DNAH12: variants seen among roughly 807,000 people sequenced by gnomAD.
DNAH12 encodes the protein axonemal beta dynein heavy chain 12.
DNAH12 carries 285 observed loss-of-function variants against 371.5 expected under a neutral mutation model. That is an observed-to-expected ratio of 0.77 (90% CI 0.70 to 0.85). DNAH12 has a LOEUF of 0.85. Among genes scored for constraint, DNAH12 ranks in the 40% least tolerant of loss-of-function variants. DNAH12 has a pLI of 0.00. For missense variants in DNAH12, 3,611 were observed against 3,689.4 expected, an observed-to-expected ratio of 0.98 and a Z score of 0.55; for synonymous variants, 1,200 against 1,213.0, an observed-to-expected ratio of 0.99 and a Z score of 0.22.
intron 65 of DNAH12, among the ~76,000 whole-genome samples, chr3:57,319,138 G>A (rs963055455): frequency 2.0e-5 from 3 of 152,148 alleles, no homozygotes; most frequent in South Asian, 2.1e-4. Flanking sequence ...TATTATAAAT[G>A]GGATTGTTTT....
intron 55 of DNAH12, among the ~76,000 whole-genome samples, chr3:57,369,315 TTA>T (rs1248965397): frequency 2.1e-5 from 3 of 143,288 alleles, no homozygotes; most frequent in Non-Finnish European, 3.0e-5. Flanking sequence ...ATATTATAAA[TTA>T]TATATATTTA....
chr3:57,388,307 TGA>T (rs2063536563), intron 45 of DNAH12, among the ~76,000 whole-genome samples: 1 of 152,246 alleles, frequency 6.6e-6, no homozygotes, highest in East Asian at 1.9e-4. Flanking sequence ...TCTTTTATAC[TGA>T]GTTTTCTTCT....
chr3:57,303,111 G>A (rs988623484), intron 69 of DNAH12, among the ~76,000 whole-genome samples: 9 of 151,342 alleles, frequency 5.9e-5, no homozygotes, highest in African/African-American at 1.2e-4. Context: ...AGGCCGACGC[G>A]GGTGCATCAC....
chr3:57,409,881 G>A (rs1283450286), intron 39 of DNAH12, among the ~76,000 whole-genome samples: 1 of 152,068 alleles, frequency 6.6e-6, no homozygotes, highest in Non-Finnish European at 1.5e-5. Context: ...ATTGGTGTGG[G>A]GAGAATGGAA....
intron 23 of DNAH12, 47 bp from the exon 24 acceptor site, chr3:57,453,450 TA>T: frequency 7.1e-7 from 1 of 1,407,840 alleles, no homozygotes; most frequent in South Asian, 1.4e-5. Context: ...ACATCATACT[TA>T]AAACATGTAT....
rs1286311895 is a variant in DNAH12, at chr3:57,361,960, C to G, written c.9360+1634G>C. On this transcript the variant is annotated intron_variant, in intron 58 of 73. Coordinates refer to ENST00000495027, the MANE Select transcript of DNAH12 (RefSeq NM_001366028.2). ...ACAAGTACCATGTTGGTTTGCTGCA[C>G]CCATTAACTCGTCATTTACATTAGG... 9.2e-5 allele frequency among the ~76,000 whole-genome samples: 14 copies of G among 152,128 alleles called. 1 individual carries two copies. The highest frequency in any genetic ancestry group is 6.5e-4 in the Admixed American group (10 of 15,278).
chr3:57,355,314 A>G (rs1275169300), intron 59 of DNAH12, among the ~76,000 whole-genome samples: 5 of 152,188 alleles, frequency 3.3e-5, no homozygotes, highest in Admixed American at 3.3e-4. Context: ...GGAGTCATTA[A>G]TGGTTCATGT....
chr3:57,519,821 A>G, intron 4 of DNAH12: 1 of 1,319,448 alleles, frequency 7.6e-7, no homozygotes, highest in Non-Finnish European at 1.1e-6. Flanking sequence ...TCAGCTTGAC[A>G]TCTGAGACAG....
rs1457930120 is a variant in DNAH12 at position 57,544,240 on chromosome 3, G to A, written c.-77C>T. The stretch of plus-strand genomic sequence containing the variant: ...TTCCCCGCTGCGCAGACGCCAGAGA[G>A]AGAGAGAGACAGTCAGAGCCTCTCC... On this transcript the variant is annotated 5_prime_UTR_variant, in exon 1 of 74. Transcript: ENST00000495027. 6.6e-6 allele frequency: 1 copy of A among 152,262 alleles called. No individual in the cohort carries two copies. Among genetic ancestry groups the A allele is most frequent in the African/African-American group, 2.4e-5 (1 of 41,470 alleles). 9.4% of individuals were successfully genotyped at this position (152,262 alleles called of 1,614,324 possible).
chr3:57,501,450 C>A (rs2067542488), intron 10 of DNAH12, 38 bp from the exon 11 acceptor site: 4 of 1,481,892 alleles, frequency 2.7e-6, no homozygotes, highest in African/African-American at 1.4e-5. Context: ...TCAATAATAC[C>A]CTTTTTAGAA....
At chr3:57,474,477 G>A (rs1027126857) in intron 13 of DNAH12, among the ~76,000 whole-genome samples, 16 of 151,948 alleles carry the variant, frequency 1.1e-4, no homozygotes, top group African/African-American at 3.9e-4. Context: ...TTTGTGTTTA[G>A]CAGAGACGGG....
In DNAH12 at chr3:57,459,754, T is replaced by A; in HGVS notation, c.2769A>T (p.Glu923Asp). The A allele has an allele frequency of 6.6e-7, 1 of 1,525,012 alleles. No homozygotes were observed. 94.5% of individuals were successfully genotyped at this position (1,525,012 alleles called of 1,614,324 possible). Residue 923 changes from glutamate (E) to aspartate (D), a missense_variant, in exon 20 of 74, where the codon GAA (glutamate) becomes GAT (aspartate). Transcript: ENST00000495027. ...AWEDRLIRIQ[E>D]TIDEWLKVQA... ...GTACTTTTAACCATTCATCAATTGT[T>A]TCTTGTATTCGAATCAAGCGGTCCT...
At position 57,458,113 on chromosome 3, in the gene DNAH12, A is replaced by C. The variant is rs776924063; in HGVS notation, c.3039T>G (p.Arg1013=). 9 of 1,545,208 alleles carry C rather than the reference A, an allele frequency of 5.8e-6. No individual in the cohort carries two copies. Among genetic ancestry groups the C allele is most frequent in the Non-Finnish European group, 7.9e-6 (9 of 1,145,378 alleles). ...KGLNAYLEKK[R]LFFPRFFFLS... ...ATTTATCATACCGAGGGAAGAAAAG[A>C]CGTTTCTTTTCAAGATATGCGTTAA... The change falls in exon 21 of 74, where the codon CGT becomes CGG. Residue 1013 remains arginine, a synonymous_variant. Coordinates refer to ENST00000495027, the MANE Select transcript of DNAH12 (RefSeq NM_001366028.2).
intron 30 of DNAH12, among the ~76,000 whole-genome samples, chr3:57,434,489 T>A (rs1310137938): frequency 6.6e-6 from 1 of 152,200 alleles, no homozygotes; most frequent in East Asian, 1.9e-4. Context: ...CTTTGTTTTT[T>A]AAATCACTAA....
At chr3:57,306,210 G>A (rs1170061582) in intron 69 of DNAH12, among the ~76,000 whole-genome samples, 10 of 152,182 alleles carry the variant, frequency 6.6e-5, no homozygotes, top group East Asian at 3.9e-4. Context: ...GCCAAGCTTC[G>A]GGTAACTCTC....
At chr3:57,460,463 T>G (rs2066024032) in intron 19 of DNAH12, among the ~76,000 whole-genome samples, 1 of 152,236 alleles carries the variant, frequency 6.6e-6, no homozygotes, top group South Asian at 2.1e-4. Flanking sequence ...CTTAAATATG[T>G]GCCTAAGGTC....
At chr3:57,547,686 GAAAA>G (rs2069590530), upstream of DNAH12, among the ~76,000 whole-genome samples, 1 of 151,902 alleles carries the variant, frequency 6.6e-6, no homozygotes, top group Non-Finnish European at 1.5e-5. Context: ...ATAATGCAGA[GAAAA>G]AAAGTTTTCT....
At position 57,405,886 on chromosome 3, in the gene DNAH12, G is replaced by A. The variant is rs890477871; in HGVS notation, c.6343C>T (p.Arg2115Cys). ...CCCCGGATGACGCGTGAAAAATCACGCAAGTTGAAAGTATAATGGGATTTT... is the reference window on the plus strand; with the variant it reads ...CCCCGGATGACGCGTGAAAAATCACACAAGTTGAAAGTATAATGGGATTTT... Reference protein sequence around the residue: ...PTKSHYTFNLRDFSRVIRGCL... With the variant: ...PTKSHYTFNLCDFSRVIRGCL... The change falls in exon 41 of 74, where the codon CGT (arginine) becomes TGT (cysteine). Residue 2115 changes from arginine (R) to cysteine (C), a missense_variant. Arg to Cys is a radical substitution (Grantham distance 180, BLOSUM62 -3). This residue lies in a region of DNAH12 where 2,266 missense variants were observed against 2,236.9 expected (regional missense o/e 1.01). Transcript: ENST00000495027. 3.9e-5 allele frequency: 61 copies of A among 1,551,120 alleles called. No individual in the cohort carries two copies. Among genetic ancestry groups the A allele is most frequent in the African/African-American group, 1.6e-4 (12 of 73,022 alleles).
chr3:57,329,811 T>C (rs1196248973), intron 62 of DNAH12, among the ~76,000 whole-genome samples: 4 of 152,060 alleles, frequency 2.6e-5, no homozygotes, highest in Admixed American at 6.6e-5. Context: ...GCAACCTACT[T>C]ATCTGACAAA....
Sources: gnomAD v4.1 joint callset for allele counts (sites outside exome capture counted in the v4.1 genomes callset) on GRCh38, gnomAD v4.1.1 for gene constraint, gnomAD v4.1.1 regional missense constraint, MANE v1.5 for transcripts, NCBI Gene and HGNC (gene_info 2026-07-23, HGNC 2026-07-21) for gene names.